Variants in ZFYVE1 observed in about 807,000 individuals in gnomAD.
ZFYVE1 encodes zinc finger FYVE domain-containing protein 1.
In ZFYVE1, 30 loss-of-function variants were observed where a neutral mutation model predicts 74.4. The ratio of observed to expected loss-of-function variants is 0.40; its 90% confidence interval spans 0.30 to 0.55. The LOEUF (loss-of-function observed/expected upper bound fraction) is 0.55. Ranked by LOEUF, ZFYVE1 falls within the 20% of genes least tolerant of loss-of-function variation. The pLI is 0.42. For missense variants in ZFYVE1, 703 were observed against 1,011.6 expected (o/e 0.69, Z 4.14); for synonymous variants, 335 against 385.1 (o/e 0.87, Z 1.52).
At chr14:73,023,674 T>C (rs1020856049) in intron 2 of ZFYVE1, among the ~76,000 whole-genome samples, 1 of 151,836 alleles carries the variant, frequency 6.6e-6, no homozygotes, top group African/African-American at 2.4e-5. Flanking sequence ...TTTAAATCAG[T>C]TTGTTCTAAT....
chr14:73,006,152 C>T (rs1265464977), intron 2 of ZFYVE1, among the ~76,000 whole-genome samples: 3 of 151,998 alleles, frequency 2.0e-5, no homozygotes, highest in African/African-American at 7.2e-5. Context: ...ATCTCCTGAC[C>T]TCGTGATCCG....
chr14:72,976,003 A>G (rs995672494), intron 8 of ZFYVE1: 28 of 313,054 alleles, frequency 8.9e-5, no homozygotes, highest in African/African-American at 5.7e-4. Flanking sequence ...TGAGTTAAGA[A>G]CCTTTCCTCT....
intron 4 of ZFYVE1, among the ~76,000 whole-genome samples, 156 bp from the exon 5 acceptor site, chr14:72,982,051 C>A (rs1435640545): frequency 2.6e-5 from 4 of 152,312 alleles, no homozygotes; most frequent in Middle Eastern, 3.4e-3. Context: ...TCACATCAGT[C>A]CTTACCATGG....
At chr14:72,992,614 T>TTCCC (rs1893639790) in intron 4 of ZFYVE1, among the ~76,000 whole-genome samples, 1 of 101,452 alleles carries the variant, frequency 9.9e-6, no homozygotes, top group African/African-American at 4.3e-5. Context: ...CCCATTCAGG[T>TTCCC]GCCCCCCCCG....
intron 3 of ZFYVE1, among the ~76,000 whole-genome samples, chr14:72,997,056 T>C (rs1893765207): frequency 6.6e-6 from 1 of 152,188 alleles, no homozygotes. Flanking sequence ...CACATCCATC[T>C]TCTTATCTGC....
intron 4 of ZFYVE1, among the ~76,000 whole-genome samples, chr14:72,984,245 A>G (rs1006072948): frequency 6.6e-6 from 1 of 152,070 alleles, no homozygotes; most frequent in Non-Finnish European, 1.5e-5. Flanking sequence ...GAGTTAAAAC[A>G]TGGGGCCAGG....
chr14:73,002,983 C>T (rs1318591196), intron 2 of ZFYVE1, among the ~76,000 whole-genome samples: 1 of 151,198 alleles, frequency 6.6e-6, no homozygotes, highest in Admixed American at 6.6e-5. Context: ...ACCTCGTGAT[C>T]CGCCCGCCTC....
At chr14:73,001,712 G>A (rs1893875647) in intron 2 of ZFYVE1, among the ~76,000 whole-genome samples, 1 of 150,818 alleles carries the variant, frequency 6.6e-6, no homozygotes, top group Non-Finnish European at 1.5e-5. Context: ...GGGCGCAGTG[G>A]CTCACACCTG....
intron 11 of ZFYVE1, among the ~76,000 whole-genome samples, chr14:72,973,610 G>C (rs1251041501): frequency 6.6e-6 from 1 of 152,156 alleles, no homozygotes; most frequent in Admixed American, 6.5e-5. Flanking sequence ...AACCACTGAA[G>C]AGGCCTGGAG....
At position 72,975,913 on chromosome 14, in the gene ZFYVE1, G is replaced by T. The variant is rs1184819500; in HGVS notation, c.1636-192C>A. ...TCAAAGTGACCATAAGACTTGATGT[G>T]TAGCTGTTCAATTCAGGACTTACTA... On this transcript the variant is annotated intron_variant, in intron 8 of 11. Transcript: ENST00000556143. The surrounding 1 kb of genome is among the most constrained non-coding windows in gnomAD (Gnocchi z 4.1). 6.4e-6 allele frequency: 4 copies of T among 626,378 alleles called. No homozygotes were observed. The highest frequency in any genetic ancestry group is 1.8e-5 in the African/African-American group (1 of 54,374). 38.8% of individuals were successfully genotyped at this position (626,378 alleles called of 1,614,324 possible). A position where few individuals can be genotyped will look rare whatever the true frequency, so the allele number is the denominator to read the frequency against.
chr14:72,988,307 T>C (rs1893530052), intron 4 of ZFYVE1, among the ~76,000 whole-genome samples: 1 of 151,700 alleles, frequency 6.6e-6, no homozygotes, highest in Admixed American at 6.6e-5. Flanking sequence ...CCCGGGTAGC[T>C]GGGATTACAG....
intron 11 of ZFYVE1, among the ~76,000 whole-genome samples, chr14:72,971,766 G>A (rs562305228): frequency 1.2e-4 from 18 of 152,264 alleles, no homozygotes; most frequent in African/African-American, 4.3e-4. Context: ...CCCACACCCA[G>A]CTCCTTGATC....
intron 2 of ZFYVE1, among the ~76,000 whole-genome samples, chr14:73,016,592 A>G (rs982229287): frequency 6.6e-6 from 1 of 152,142 alleles, no homozygotes; most frequent in Non-Finnish European, 1.5e-5. Flanking sequence ...AGAAAAATCA[A>G]TGAATACGGC....
intron 3 of ZFYVE1, among the ~76,000 whole-genome samples, chr14:72,993,560 G>A (rs868618926): frequency 3.4e-5 from 5 of 148,690 alleles, no homozygotes; most frequent in East Asian, 2.0e-4. Flanking sequence ...TTAGCAGGGC[G>A]TGGTGGCGCA....
intron 5 of ZFYVE1, 54 bp downstream of exon 5, chr14:72,981,735 A>G: frequency 6.5e-7 from 1 of 1,545,620 alleles, no homozygotes; most frequent in Non-Finnish European, 8.9e-7. Flanking sequence ...AGCACCACTC[A>G]AAGGCTCTAT....
Position 73,024,262 on chromosome 14 carries a change from C to A in ZFYVE1, c.247G>T (p.Gly83Cys), listed in dbSNP as rs761967154. The stretch of plus-strand genomic sequence containing the variant: ...CTCACTATTGCCCTCTGCCTAACAC[C>A]TGGTAAATGCCCACTGAGACCCTTG... ...LCKGLSGHLP[G>C]VRQRAIVRCQ... Residue 83 changes from glycine to cysteine, a missense_variant, in exon 2 of 12, where the codon GGT (glycine) becomes TGT (cysteine). Gly to Cys is a radical substitution (Grantham distance 159). Transcript: ENST00000556143. 1.2e-6 allele frequency: 2 copies of A among 1,614,184 alleles called. No individual in the cohort carries two copies. The highest frequency in any genetic ancestry group is 2.2e-5 in the South Asian group (2 of 91,076).
intron 4 of ZFYVE1, among the ~76,000 whole-genome samples, chr14:72,991,441 G>A (rs1893610884): frequency 1.3e-5 from 2 of 151,904 alleles, no homozygotes; most frequent in African/African-American, 4.8e-5. Context: ...CGCCCGCCTC[G>A]GCTTCCCAAA....
intron 2 of ZFYVE1, among the ~76,000 whole-genome samples, chr14:73,001,794 C>A (rs572968644): frequency 9.4e-6 from 1 of 106,914 alleles, no homozygotes; most frequent in South Asian, 2.8e-4. Flanking sequence ...ACTAAAAATA[C>A]AAAATTAGCC....
At chr14:72,979,670 T>A (rs61161144) in intron 5 of ZFYVE1, among the ~76,000 whole-genome samples, 5,968 of 138,958 alleles carry the variant, frequency 0.043, 376 homozygotes, top group African/African-American at 0.15. Context: ...AAAAAAAAAA[T>A]ACACCCAGAA....
Sources: gnomAD v4.1 joint callset for allele counts (sites outside exome capture counted in the v4.1 genomes callset) on GRCh38, gnomAD v4.1.1 for gene constraint, Gnocchi (gnomAD v3.1) non-coding constraint, MANE v1.5 for transcripts, NCBI Gene and HGNC (gene_info 2026-07-23, HGNC 2026-07-21) for gene names.